The following EXOC6B variants were observed in gnomAD, a reference collection of about 807,000 sequenced individuals.
The protein encoded by EXOC6B is exocyst complex component 6B.
A neutral mutation model predicts 113.5 loss-of-function variants in EXOC6B; 54 were observed. That is an observed-to-expected ratio of 0.48 (90% CI 0.38 to 0.60). The LOEUF is 0.60. EXOC6B is among the 20% of genes least tolerant of loss of function. The pLI, the probability that EXOC6B is intolerant of heterozygous loss-of-function variation, is 0.00. For synonymous variants in EXOC6B, 357 were observed against 339.0 expected, an observed-to-expected ratio of 1.05 and a Z score of -0.58; for missense variants, 797 against 977.5, an observed-to-expected ratio of 0.82 and a Z score of 2.46.
At chr2:72,491,572 T>C (rs923058230) in intron 16 of EXOC6B, among the ~76,000 whole-genome samples, 3 of 152,124 alleles carry the variant, frequency 2.0e-5, no homozygotes, top group African/African-American at 7.2e-5. Flanking sequence ...CACTATAACA[T>C]CCAGTGAAAA....
At chr2:72,436,436 T>A (rs1695875566) in intron 18 of EXOC6B, among the ~76,000 whole-genome samples, 1 of 152,216 alleles carries the variant, frequency 6.6e-6, no homozygotes, top group Non-Finnish European at 1.5e-5. Context: ...TGAATTTGAA[T>A]GCTGGCCTGT....
intron 17 of EXOC6B, among the ~76,000 whole-genome samples, chr2:72,478,341 T>C (rs1698876444): frequency 6.6e-6 from 1 of 152,194 alleles, no homozygotes; most frequent in Non-Finnish European, 1.5e-5. Flanking sequence ...AGAAAATACC[T>C]TAAAGACCTT....
chr2:72,230,161 C>T (rs1681518366), intron 20 of EXOC6B, among the ~76,000 whole-genome samples: 1 of 152,064 alleles, frequency 6.6e-6, no homozygotes. Context: ...GGTTCTAAGT[C>T]CTGCTATAAA....
chr2:72,248,873 C>T (rs1445327834), intron 20 of EXOC6B, among the ~76,000 whole-genome samples: 2 of 152,120 alleles, frequency 1.3e-5, no homozygotes, highest in African/African-American at 4.8e-5. Flanking sequence ...GAATTGATCA[C>T]TGTCAAAGAA....
chr2:72,530,338 T>A (rs1701939103), intron 8 of EXOC6B, among the ~76,000 whole-genome samples: 1 of 152,202 alleles, frequency 6.6e-6, no homozygotes, highest in Non-Finnish European at 1.5e-5. Flanking sequence ...ACAATTTTAT[T>A]TCCTTTGAGA....
chr2:72,818,467 GT>G (rs1406338656), intron 1 of EXOC6B, among the ~76,000 whole-genome samples: 2 of 151,904 alleles, frequency 1.3e-5, no homozygotes, highest in African/African-American at 4.8e-5. Context: ...GGCCATTTTT[GT>G]ATTTTTAGTA....
chr2:72,769,749 T>C lies in EXOC6B; in HGVS notation c.114-28280A>G, dbSNP rs143502500. ...ATTGCTTGAACTCAGGAGGTGGAGG[T>C]TGCAGTGAGCCGAGATCGTGCCACT... On this transcript the variant is annotated intron_variant, in intron 1 of 21. Coordinates refer to ENST00000272427, the MANE Select transcript of EXOC6B (RefSeq NM_015189.3). Among the ~76,000 whole-genome samples, 354 of 151,920 alleles carry C rather than the reference T, an allele frequency of 2.3e-3. 2 individuals carry two copies. The highest frequency in any genetic ancestry group is 7.4e-3 in the African/African-American group (308 of 41,472).
intron 8 of EXOC6B, among the ~76,000 whole-genome samples, chr2:72,524,794 C>T (rs965932631): frequency 6.6e-6 from 1 of 152,140 alleles, no homozygotes; most frequent in East Asian, 1.9e-4. Flanking sequence ...TCAAGAGCCA[C>T]AACATTGTCA....
intron 5 of EXOC6B, among the ~76,000 whole-genome samples, chr2:72,722,789 T>A (rs935306485): frequency 6.6e-6 from 1 of 151,966 alleles, no homozygotes. Context: ...CACTTTGGGG[T>A]TTAGTTATAT....
intron 13 of EXOC6B, among the ~76,000 whole-genome samples, chr2:72,498,050 T>C (rs751700150): frequency 5.3e-5 from 8 of 152,216 alleles, no homozygotes; most frequent in Non-Finnish European, 8.8e-5. Flanking sequence ...TCCGAAAGCC[T>C]AAATTATTCC....
At chr2:72,686,150 C>T (rs1313546456) in intron 6 of EXOC6B, among the ~76,000 whole-genome samples, 1 of 152,194 alleles carries the variant, frequency 6.6e-6, no homozygotes, top group Non-Finnish European at 1.5e-5. Context: ...GAGGAATCCA[C>T]TTAGCTGGTT....
intron 20 of EXOC6B, among the ~76,000 whole-genome samples, chr2:72,258,429 T>C (rs957747572): frequency 6.9e-6 from 1 of 144,962 alleles, no homozygotes; most frequent in African/African-American, 2.6e-5. Flanking sequence ...AGTGGCACAA[T>C]CATGGCTCAC....
intron 6 of EXOC6B, among the ~76,000 whole-genome samples, chr2:72,695,009 C>G (rs905798211): frequency 6.6e-6 from 1 of 152,148 alleles, no homozygotes; most frequent in Non-Finnish European, 1.5e-5. Context: ...CCATCCCAGC[C>G]GCTACTCCAC....
chr2:72,226,651 T>G (rs148352658), intron 20 of EXOC6B, among the ~76,000 whole-genome samples: 113 of 152,334 alleles, frequency 7.4e-4, no homozygotes, highest in African/African-American at 2.7e-3. Flanking sequence ...TTACTTAGGT[T>G]GTCATGTTTT....
At chr2:72,324,070 A>C (rs1259055679) in intron 20 of EXOC6B, among the ~76,000 whole-genome samples, 1 of 152,190 alleles carries the variant, frequency 6.6e-6, no homozygotes, top group Non-Finnish European at 1.5e-5. Context: ...ATAAAAAAAA[A>C]GACCAGAAAG....
intron 1 of EXOC6B, among the ~76,000 whole-genome samples, chr2:72,813,660 A>C (rs1290920535): frequency 6.6e-6 from 1 of 152,226 alleles, no homozygotes; most frequent in Non-Finnish European, 1.5e-5. Context: ...TCCTTAAATC[A>C]AACTCCATAC....
chr2:72,803,014 T>C (rs766331152), intron 1 of EXOC6B, among the ~76,000 whole-genome samples: 1 of 152,154 alleles, frequency 6.6e-6, no homozygotes, highest in Non-Finnish European at 1.5e-5. Context: ...GAAAGACCAA[T>C]TTAAACTCCT....
At chr2:72,367,109 A>T (rs1434196808) in intron 19 of EXOC6B, among the ~76,000 whole-genome samples, 1 of 152,182 alleles carries the variant, frequency 6.6e-6, no homozygotes, top group African/African-American at 2.4e-5. Flanking sequence ...GGGTTTATAG[A>T]CTATGTAGAA....
chr2:72,576,915 G>A (rs1406328706), intron 6 of EXOC6B, among the ~76,000 whole-genome samples: 1 of 151,932 alleles, frequency 6.6e-6, no homozygotes, highest in Non-Finnish European at 1.5e-5. Context: ...TCTCCTCAGT[G>A]GCAAATAGAA....
Sources: allele counts gnomAD v4.1 joint callset (sites outside exome capture counted in the v4.1 genomes callset), GRCh38; gene constraint gnomAD v4.1.1; transcripts MANE v1.5; gene names NCBI Gene and HGNC (gene_info 2026-07-23, HGNC 2026-07-21).